Variants in GRIA4 observed in about 807,000 individuals in gnomAD.
GRIA4 encodes the protein glutamate receptor 4.
Under a neutral mutation model 104.0 loss-of-function variants are expected in GRIA4, and 34 were observed. That is an observed-to-expected ratio of 0.33 (90% confidence interval 0.25 to 0.44). GRIA4 has a LOEUF of 0.44. Ranked by LOEUF, GRIA4 falls within the 20% of genes least tolerant of loss-of-function variation. The pLI is 1.00. For missense variants in GRIA4, 750 were observed against 1,096.5 expected, an observed-to-expected ratio of 0.68 and a Z score of 4.46; for synonymous variants, 386 against 381.9, an observed-to-expected ratio of 1.01 and a Z score of -0.13.
At chr11:105,649,702 G>A (rs772915994) in intron 3 of GRIA4, among the ~76,000 whole-genome samples, 5 of 151,982 alleles carry the variant, frequency 3.3e-5, no homozygotes, top group Non-Finnish European at 5.9e-5. Flanking sequence ...ACTACTGCGA[G>A]TTTTAATTGG....
intron 5 of GRIA4, among the ~76,000 whole-genome samples, chr11:105,871,801 CA>C (rs1258137127): frequency 6.6e-6 from 1 of 151,804 alleles, no homozygotes; most frequent in African/African-American, 2.4e-5. Flanking sequence ...AAACCCTGAC[CA>C]AAAATGGTAT....
At chr11:105,949,357 T>G (rs1948406548) in intron 14 of GRIA4, among the ~76,000 whole-genome samples, 1 of 152,176 alleles carries the variant, frequency 6.6e-6, no homozygotes, top group Non-Finnish European at 1.5e-5. Context: ...TTTTAATGGG[T>G]TGCTTGCAAA....
chr11:105,824,256 CCT>C (rs989046406), intron 4 of GRIA4, among the ~76,000 whole-genome samples: 1 of 152,214 alleles, frequency 6.6e-6, no homozygotes, highest in Middle Eastern at 3.4e-3. Context: ...GGTTCCACCC[CCT>C]GTTCATCCCA....
chr11:105,637,948 T>G (rs1444612945), intron 3 of GRIA4, among the ~76,000 whole-genome samples: 6 of 152,198 alleles, frequency 3.9e-5, no homozygotes, highest in African/African-American at 1.2e-4. Flanking sequence ...TTTAATTTCA[T>G]TCATTTATTT....
chr11:105,910,189 G>A (rs1009031234), intron 9 of GRIA4, among the ~76,000 whole-genome samples: 2 of 151,908 alleles, frequency 1.3e-5, no homozygotes, highest in African/African-American at 4.8e-5. Context: ...CCAATCTCTT[G>A]GTCACTCCAC....
At chr11:105,917,160 G>T (rs1947431326) in intron 10 of GRIA4, among the ~76,000 whole-genome samples, 1 of 152,008 alleles carries the variant, frequency 6.6e-6, no homozygotes, top group Admixed American at 6.6e-5. Flanking sequence ...TAAAGAAGAG[G>T]CAATTGGATG....
chr11:105,742,224 T>C (rs1456751452), intron 3 of GRIA4, among the ~76,000 whole-genome samples: 1 of 152,122 alleles, frequency 6.6e-6, no homozygotes, highest in Non-Finnish European at 1.5e-5. Flanking sequence ...TTGAACTACT[T>C]TCAAACCCCC....
intron 3 of GRIA4, among the ~76,000 whole-genome samples, chr11:105,685,695 T>C (rs2135478452): frequency 6.6e-6 from 1 of 152,262 alleles, no homozygotes; most frequent in Middle Eastern, 3.4e-3. Flanking sequence ...ATGGAGGACA[T>C]TCTATGAGAA....
intron 3 of GRIA4, among the ~76,000 whole-genome samples, chr11:105,615,263 A>C (rs1324406261): frequency 6.6e-6 from 1 of 151,904 alleles, no homozygotes; most frequent in Non-Finnish European, 1.5e-5. Flanking sequence ...CTCAAAACTA[A>C]ATTAGTGCTC....
At chr11:105,937,975 G>C (rs796605851) in intron 14 of GRIA4, among the ~76,000 whole-genome samples, 5 of 152,034 alleles carry the variant, frequency 3.3e-5, no homozygotes, top group South Asian at 2.1e-4. Flanking sequence ...TAGCACGGCA[G>C]GGGGAGGAAA....
At chr11:105,788,331 A>T (rs1446056897) in intron 4 of GRIA4, among the ~76,000 whole-genome samples, 1 of 152,184 alleles carries the variant, frequency 6.6e-6, no homozygotes, top group Admixed American at 6.5e-5. Flanking sequence ...TAGGAAAAAC[A>T]GTATGGAGAT....
At chr11:105,835,170 A>T (rs558318092) in intron 4 of GRIA4, among the ~76,000 whole-genome samples, 21 of 151,818 alleles carry the variant, frequency 1.4e-4, no homozygotes, top group African/African-American at 5.1e-4. Flanking sequence ...TTTTATACTT[A>T]ATTATTTAAA....
intron 3 of GRIA4, among the ~76,000 whole-genome samples, chr11:105,686,406 A>T (rs143513977): frequency 6.6e-6 from 1 of 152,184 alleles, no homozygotes; most frequent in Non-Finnish European, 1.5e-5. Context: ...ACATTACTTC[A>T]TGCTTTTTTA....
At chr11:105,915,428 A>C (rs1947371544) in intron 10 of GRIA4, among the ~76,000 whole-genome samples, 1 of 152,228 alleles carries the variant, frequency 6.6e-6, no homozygotes, top group African/African-American at 2.4e-5. Flanking sequence ...GAAAGACATT[A>C]GATAAATATT....
chr11:105,611,265 G>A (rs577431870), intron 2 of GRIA4, among the ~76,000 whole-genome samples, 180 bp downstream of exon 2: 159 of 152,062 alleles, frequency 1.0e-3, no homozygotes, highest in Middle Eastern at 3.4e-3. Flanking sequence ...AGGTTCCGTT[G>A]GAATACACCC....
At chr11:105,657,895 A>AT (rs1365999454) in intron 3 of GRIA4, among the ~76,000 whole-genome samples, 2 of 151,824 alleles carry the variant, frequency 1.3e-5, no homozygotes, top group South Asian at 2.1e-4. Context: ...TGGAAACTCT[A>AT]TTTTTTTCTC....
rs531838605 is a variant in GRIA4 at position 105,816,585 on chromosome 11, G to A, written c.488-45439G>A. Among the ~76,000 whole-genome samples the A allele has an allele frequency of 3.2e-4, 48 of 152,106 alleles. 1 individual carries two copies. The South Asian group carries it at 9.7e-3, about 31-fold the overall frequency. Reference sequence around the variant, plus strand: ...CTGCAGAACCATGAACCAAATAAACGTCTTTTCTTATAAATTACCCAGTCT... The same window carrying A: ...CTGCAGAACCATGAACCAAATAAACATCTTTTCTTATAAATTACCCAGTCT... On this transcript the variant is annotated intron_variant, in intron 4 of 16. Transcript: ENST00000282499.
intron 4 of GRIA4, among the ~76,000 whole-genome samples, chr11:105,834,323 G>T (rs1422129243): frequency 6.6e-6 from 1 of 151,968 alleles, no homozygotes; most frequent in Non-Finnish European, 1.5e-5. Context: ...AAGTATAATA[G>T]AAACTCAATG....
chr11:105,840,404 A>C (rs566276064), intron 4 of GRIA4, among the ~76,000 whole-genome samples: 29 of 152,344 alleles, frequency 1.9e-4, no homozygotes, highest in African/African-American at 7.0e-4. Context: ...ATACATCTAC[A>C]TGATTTTCAT....
Sources: gnomAD v4.1 joint callset for allele counts (sites outside exome capture counted in the v4.1 genomes callset) on GRCh38, gnomAD v4.1.1 for gene constraint, MANE v1.5 for transcripts, NCBI Gene and HGNC (gene_info 2026-07-23, HGNC 2026-07-21) for gene names.